The following GALNT17 variants were observed in gnomAD, a reference collection of about 807,000 sequenced individuals.
GALNT17 encodes the protein UDP-GalNAc:polypeptide N-acetylgalactosaminyltransferase-like 3.
In GALNT17, 29 loss-of-function variants were observed where a neutral mutation model predicts 63.7. The ratio of observed to expected loss-of-function variants is 0.46; its 90% CI spans 0.34 to 0.62. GALNT17 has a LOEUF of 0.62. Among genes scored for constraint, GALNT17 ranks in the 20% least tolerant of loss-of-function variants. GALNT17 has a pLI of 0.01. For synonymous variants in GALNT17, 305 were observed against 318.3 expected (o/e 0.96, Z 0.45); for missense variants, 603 against 799.6 (o/e 0.75, Z 2.97).
At chr7:71,522,705 A>T (rs942199549) in intron 5 of GALNT17, among the ~76,000 whole-genome samples, 5 of 152,318 alleles carry the variant, frequency 3.3e-5, no homozygotes, top group Admixed American at 2.6e-4. Flanking sequence ...CACATCCACC[A>T]GCGCTGCAAT....
At chr7:71,218,505 A>G (rs1048716983) in intron 1 of GALNT17, among the ~76,000 whole-genome samples, 2 of 152,122 alleles carry the variant, frequency 1.3e-5, no homozygotes, top group Non-Finnish European at 2.9e-5. Context: ...AGTTTTAAAT[A>G]TAACTGTAGG....
At chr7:71,520,487 C>T (rs907538191) in intron 5 of GALNT17, among the ~76,000 whole-genome samples, 1 of 151,886 alleles carries the variant, frequency 6.6e-6, no homozygotes, top group Non-Finnish European at 1.5e-5. Context: ...CGCGCCACTG[C>T]ACTCCAGCCT....
At chr7:71,373,850 T>C (rs541309338) in intron 2 of GALNT17, among the ~76,000 whole-genome samples, 203 of 152,226 alleles carry the variant, frequency 1.3e-3, no homozygotes, top group African/African-American at 4.8e-3. Context: ...CTATACTGTC[T>C]CCCAATGATA....
intron 2 of GALNT17, among the ~76,000 whole-genome samples, chr7:71,367,654 A>G (rs1350922150): frequency 6.8e-6 from 1 of 147,822 alleles, no homozygotes; most frequent in Non-Finnish European, 1.5e-5. Context: ...TGGTCTCACT[A>G]GCCACTGACG....
intron 5 of GALNT17, among the ~76,000 whole-genome samples, chr7:71,502,202 CTG>C (rs1426206306): frequency 1.3e-5 from 2 of 152,220 alleles, no homozygotes; most frequent in Non-Finnish European, 2.9e-5. Context: ...ACAACCTGTG[CTG>C]TGTCTATTCC....
intron 6 of GALNT17, among the ~76,000 whole-genome samples, chr7:71,601,103 A>G (rs914270777): frequency 3.9e-5 from 6 of 151,948 alleles, no homozygotes; most frequent in African/African-American, 1.4e-4. Context: ...ATTCCTTTTT[A>G]TGGCTGCGTA....
chr7:71,647,894 G>A (rs900846167), intron 6 of GALNT17, among the ~76,000 whole-genome samples: 9 of 152,234 alleles, frequency 5.9e-5, no homozygotes, highest in Admixed American at 1.3e-4. Flanking sequence ...GCCAGGCAGG[G>A]CAGGAAGCGG....
chr7:71,453,714 A>G (rs1389985257), intron 5 of GALNT17, among the ~76,000 whole-genome samples: 1 of 152,226 alleles, frequency 6.6e-6, no homozygotes, highest in South Asian at 2.1e-4. Context: ...AGCAGATAAG[A>G]GGAAAATGTG....
chr7:71,363,550 C>T (rs1792445876), intron 2 of GALNT17, among the ~76,000 whole-genome samples: 1 of 152,196 alleles, frequency 6.6e-6, no homozygotes, highest in Admixed American at 6.5e-5. Context: ...GATGATCTCC[C>T]CAACTTGGAA....
chr7:71,599,372 C>T (rs1180722597), intron 6 of GALNT17, among the ~76,000 whole-genome samples: 1 of 152,168 alleles, frequency 6.6e-6, no homozygotes, highest in Non-Finnish European at 1.5e-5. Context: ...AGGATGACTG[C>T]TTGGGCAAAG....
chr7:71,132,731 C>T lies in GALNT17; in HGVS notation c.-72C>T, dbSNP rs1017406257. 1.1e-5 allele frequency: 15 copies of T among 1,329,576 alleles called. No individual in the cohort carries two copies. The African/African-American group carries it at 1.8e-4, about 16-fold the overall frequency. 82.4% of individuals were successfully genotyped at this position (1,329,576 alleles called of 1,614,324 possible). On this transcript the variant is annotated 5_prime_UTR_variant, in exon 1 of 11. Transcript: ENST00000333538. The stretch of plus-strand genomic sequence containing the variant: ...GTCTGGTGTGTGAGGCTTGCACGGC[C>T]CCTGGCTGCCCCGCGCCTCGCCGGA...
intron 2 of GALNT17, among the ~76,000 whole-genome samples, chr7:71,354,224 C>T (rs1792241400): frequency 6.6e-6 from 1 of 152,198 alleles, no homozygotes; most frequent in African/African-American, 2.4e-5. Context: ...ATGGTGTCTG[C>T]ATGGTAGTCA....
In GALNT17 at chr7:71,523,817, C is replaced by T. The variant is rs184806945; in HGVS notation, c.963-47468C>T. On this transcript the variant is annotated intron_variant, in intron 5 of 10. Transcript: ENST00000333538. ...AAAAGAAAGAAATACACATCCTCAG[C>T]CCCCAGATTAAGAAACTCTGGGCTG... Among the ~76,000 whole-genome samples, 283 of 151,178 alleles carry T rather than the reference C, an allele frequency of 1.9e-3. 2 individuals carry two copies. The highest frequency in any genetic ancestry group is 6.5e-3 in the African/African-American group (267 of 41,348).
intron 6 of GALNT17, among the ~76,000 whole-genome samples, chr7:71,616,261 G>A (rs1790200791): frequency 6.6e-6 from 1 of 151,802 alleles, no homozygotes; most frequent in Non-Finnish European, 1.5e-5. Context: ...AGCTGAACTT[G>A]AAGACAAGTA....
At chr7:71,586,668 A>G (rs1419001114) in intron 6 of GALNT17, among the ~76,000 whole-genome samples, 3 of 144,972 alleles carry the variant, frequency 2.1e-5, no homozygotes, top group African/African-American at 7.8e-5. Context: ...TATTTTACCA[A>G]ACCTAGTAGG....
chr7:71,690,515 A>G (rs1791426220), intron 9 of GALNT17, among the ~76,000 whole-genome samples: 1 of 152,232 alleles, frequency 6.6e-6, no homozygotes, highest in Non-Finnish European at 1.5e-5. Context: ...ATCAAGGAGT[A>G]ATTTTGACCT....
At chr7:71,698,141 A>T (rs1040609356) in intron 9 of GALNT17, among the ~76,000 whole-genome samples, 6 of 148,290 alleles carry the variant, frequency 4.0e-5, no homozygotes, top group East Asian at 3.9e-4. Context: ...AAAAAAAAAA[A>T]GAAAAGAAAA....
At chr7:71,432,537 T>C (rs1786886292) in intron 5 of GALNT17, among the ~76,000 whole-genome samples, 1 of 152,208 alleles carries the variant, frequency 6.6e-6, no homozygotes, top group African/African-American at 2.4e-5. Context: ...CAGAAGCTGA[T>C]CCAGGGCCAG....
At chr7:71,214,046 G>A (rs900993816) in intron 1 of GALNT17, among the ~76,000 whole-genome samples, 1 of 152,194 alleles carries the variant, frequency 6.6e-6, no homozygotes, top group Non-Finnish European at 1.5e-5. Context: ...GATACCAAAT[G>A]TTATATGGCC....
Sources: allele counts gnomAD v4.1 joint callset (sites outside exome capture counted in the v4.1 genomes callset), GRCh38; gene constraint gnomAD v4.1.1; transcripts MANE v1.5; gene names NCBI Gene and HGNC (gene_info 2026-07-23, HGNC 2026-07-21).